PCDH17: variants seen among roughly 807,000 people sequenced by gnomAD.
PCDH17 encodes protocadherin 17, also known as protocadherin-17.
PCDH17 carries 21 observed loss-of-function variants against 67.7 expected under a neutral mutation model. The ratio of observed to expected loss-of-function variants is 0.31; its 90% CI spans 0.22 to 0.45. The LOEUF is 0.45. Ranked by LOEUF, PCDH17 falls within the 20% of genes least tolerant of loss-of-function variation. PCDH17 has a pLI of 1.00. For missense variants in PCDH17, 1,471 were observed against 1,564.8 expected (o/e 0.94, Z 1.01); for synonymous variants, 701 against 656.7 (o/e 1.07, Z -1.03).
chr13:57,662,194 G>A (rs544162119), intron 1 of PCDH17, among the ~76,000 whole-genome samples: 17 of 152,148 alleles, frequency 1.1e-4, no homozygotes, highest in African/African-American at 4.1e-4. Context: ...AGAGAGTAGT[G>A]TAATTTCTTC....
rs533782444 is a variant in PCDH17, at chr13:57,654,503, A to G, written c.2566-11965A>G. On this transcript the variant is annotated intron_variant, in intron 1 of 3. Transcript: ENST00000377918. ...AATGATTGTTATTTTAAAACTAGATATAAAAGAATGCAGACCTATTGTCTC... is the reference window on the plus strand; with the variant it reads ...AATGATTGTTATTTTAAAACTAGATGTAAAAGAATGCAGACCTATTGTCTC... 5.3e-5 allele frequency among the ~76,000 whole-genome samples: 8 copies of G among 152,238 alleles called. No individual in the cohort carries two copies. The East Asian group carries it at 9.6e-4, about 18-fold the overall frequency.
At position 57,653,184 on chromosome 13, in the gene PCDH17, A is replaced by T. The variant is rs930565517; in HGVS notation, c.2566-13284A>T. Among the ~76,000 whole-genome samples, 6 of 152,232 alleles carry T rather than the reference A, an allele frequency of 3.9e-5. No homozygotes were observed. In the East Asian group the frequency reaches 1.2e-3, roughly 29 times the overall value. On this transcript the variant is annotated intron_variant, in intron 1 of 3. Transcript: ENST00000377918. Reference sequence around the variant, plus strand: ...TTATTAAATTTATTTAGTTAAATCAATTCTCAGATTTAATCATAGAACTGG... The same window carrying T: ...TTATTAAATTTATTTAGTTAAATCATTTCTCAGATTTAATCATAGAACTGG...
intron 3 of PCDH17, among the ~76,000 whole-genome samples, chr13:57,691,011 T>C (rs1394171453): frequency 6.6e-6 from 1 of 151,466 alleles, no homozygotes; most frequent in Non-Finnish European, 1.5e-5. Context: ...GAGTTAAAAA[T>C]TACAGCCTCA....
chr13:57,700,762 GCAGT>G (rs1955655634), intron 3 of PCDH17, among the ~76,000 whole-genome samples: 1 of 152,116 alleles, frequency 6.6e-6, no homozygotes, highest in African/African-American at 2.4e-5. Flanking sequence ...CTGTAGGTGA[GCAGT>G]CAGTCATGCA....
rs911689710 is a variant in PCDH17, at chr13:57,729,167, A to G, written c.*3873A>G. On this transcript the variant is annotated 3_prime_UTR_variant, in exon 4 of 4. Transcript: ENST00000377918. Reference sequence around the variant, plus strand: ...CAGCCCATCACTCCATAAAGTTCTTAGCTGCACCAAGTGATTGGTGAACAA... The same window carrying G: ...CAGCCCATCACTCCATAAAGTTCTTGGCTGCACCAAGTGATTGGTGAACAA... 1 of 152,172 alleles carries G rather than the reference A, an allele frequency of 6.6e-6. No individual in the cohort carries two copies. The highest frequency in any genetic ancestry group is 1.5e-5 in the Non-Finnish European group (1 of 68,004). 9.4% of individuals were successfully genotyped at this position (152,172 alleles called of 1,614,324 possible). A position where few individuals can be genotyped will look rare whatever the true frequency, so the allele number is the denominator to read the frequency against.
chr13:57,649,464 G>T (rs185491020), intron 1 of PCDH17, among the ~76,000 whole-genome samples: 9 of 152,130 alleles, frequency 5.9e-5, no homozygotes, highest in Non-Finnish European at 1.3e-4. Flanking sequence ...AGTAGTTAGT[G>T]CTCAGATCCC....
chr13:57,700,204 T>C (rs1041702823), intron 3 of PCDH17, among the ~76,000 whole-genome samples: 3 of 152,184 alleles, frequency 2.0e-5, no homozygotes, highest in African/African-American at 7.2e-5. Context: ...TGCCCCTAAG[T>C]TTCCTGGACT....
intron 1 of PCDH17, among the ~76,000 whole-genome samples, chr13:57,661,864 TTTG>T (rs1241164680): frequency 2.0e-5 from 3 of 152,230 alleles, no homozygotes; most frequent in East Asian, 1.9e-4. Context: ...AGTAAGTCTT[TTTG>T]TTGTTGTCGT....
intron 3 of PCDH17, among the ~76,000 whole-genome samples, chr13:57,685,545 T>C (rs1488167385): frequency 6.6e-6 from 1 of 152,162 alleles, no homozygotes; most frequent in East Asian, 1.9e-4. Context: ...TGTAGTTTGA[T>C]ATTGTGCTAG....
intron 3 of PCDH17, among the ~76,000 whole-genome samples, chr13:57,700,321 CT>C (rs1238464454): frequency 0.066 from 9,157 of 137,742 alleles, 753 homozygotes; most frequent in African/African-American, 0.23. Context: ...CTCTCTCTCT[CT>C]TTTTTTTTTT....
At position 57,726,690 on chromosome 13, in the gene PCDH17, T is replaced by G. The variant is rs1955918772; in HGVS notation, c.*1396T>G. ...CTTGTAGAAGCTTTTATTAAAGTCA[T>G]GCTAAATCACAAGAATTGACATTTG... is the stretch of plus-strand genomic sequence containing the variant. On this transcript the variant is annotated 3_prime_UTR_variant, in exon 4 of 4. Coordinates refer to ENST00000377918, the MANE Select transcript of PCDH17 (RefSeq NM_001040429.3). The G allele has an allele frequency of 6.6e-6, 1 of 152,660 alleles. No homozygotes were observed. The highest frequency in any genetic ancestry group is 2.1e-4 in the South Asian group (1 of 4,832). The allele number at this position is 152,660 out of a possible 1,614,324, so 9.5% of individuals were successfully genotyped here.
chr13:57,683,832 T>C (rs1306987622), intron 3 of PCDH17, among the ~76,000 whole-genome samples: 2 of 151,906 alleles, frequency 1.3e-5, no homozygotes, highest in African/African-American at 4.8e-5. Context: ...GCCATATATA[T>C]GCACTGATTT....
chr13:57,643,729 A>G (rs913689484), intron 1 of PCDH17, among the ~76,000 whole-genome samples: 3 of 151,664 alleles, frequency 2.0e-5, no homozygotes, highest in Non-Finnish European at 4.4e-5. Flanking sequence ...TTCCATACAA[A>G]CTTACCTTCC....
At chr13:57,671,914 C>T (rs537807286) in intron 3 of PCDH17, among the ~76,000 whole-genome samples, 1 of 152,150 alleles carries the variant, frequency 6.6e-6, no homozygotes, top group South Asian at 2.1e-4. Context: ...TCAAGGACTT[C>T]TCTGCTTCCC....
intron 3 of PCDH17, among the ~76,000 whole-genome samples, chr13:57,683,424 A>G (rs1955476274): frequency 6.6e-6 from 1 of 151,914 alleles, no homozygotes; most frequent in African/African-American, 2.4e-5. Context: ...AGTGCAATCC[A>G]TTTTGAAACG....
chr13:57,678,504 T>C (rs903219629), intron 3 of PCDH17, among the ~76,000 whole-genome samples: 6 of 151,616 alleles, frequency 4.0e-5, no homozygotes, highest in African/African-American at 1.5e-4. Flanking sequence ...AGAAATAAAT[T>C]TGAAAACATA....
intron 1 of PCDH17, among the ~76,000 whole-genome samples, chr13:57,643,193 T>A (rs1434262943): frequency 6.6e-6 from 1 of 151,558 alleles, no homozygotes; most frequent in Non-Finnish European, 1.5e-5. Flanking sequence ...CCTAACCACA[T>A]GTGTAAAGTG....
chr13:57,671,119 A>G (rs1485594142), intron 3 of PCDH17, among the ~76,000 whole-genome samples: 1 of 151,876 alleles, frequency 6.6e-6, no homozygotes, highest in Non-Finnish European at 1.5e-5. Flanking sequence ...GATTTTCTCC[A>G]TACCCCCCTT....
rs1954769333 is a variant in PCDH17 at position 57,633,737 on chromosome 13, G to GGGC, written c.1200_1202dup (p.Gly402dup). On this transcript the variant is annotated inframe_insertion, in exon 1 of 4. Coordinates refer to ENST00000377918, the MANE Select transcript of PCDH17 (RefSeq NM_001040429.3). This position sits in a 1 kb window ranked among gnomAD's most constrained non-coding sequence, Gnocchi z 6.2. Reference sequence around the variant, plus strand: ...GTCGGGTCCTAGGCGGAGGAGGGACGGGCGGCGGCGGGGGCCTGGGCGGGC... The same window carrying GGGC: ...GTCGGGTCCTAGGCGGAGGAGGGACGGGCGGCGGCGGCGGGGGCCTGGGCGGGC... 6.3e-7 allele frequency: 1 copy of GGGC among 1,591,816 alleles called. No individual in the cohort carries two copies. The highest frequency in any genetic ancestry group is 8.5e-7 in the Non-Finnish European group (1 of 1,174,454).
Sources: gnomAD v4.1 joint callset for allele counts (sites outside exome capture counted in the v4.1 genomes callset) on GRCh38, gnomAD v4.1.1 for gene constraint, Gnocchi (gnomAD v3.1) non-coding constraint, MANE v1.5 for transcripts, NCBI Gene and HGNC (gene_info 2026-07-23, HGNC 2026-07-21) for gene names.